Variants in SIPA1L1 observed in about 807,000 individuals in gnomAD.
The protein encoded by SIPA1L1 is signal induced proliferation associated 1 like 1.
In SIPA1L1, 26 loss-of-function variants were observed where a neutral mutation model predicts 162.7. The observed-to-expected ratio is 0.16, with a 90% confidence interval of 0.12 to 0.22. The LOEUF (loss-of-function observed/expected upper bound fraction) is 0.22. SIPA1L1 is among the 10% of genes least tolerant of loss of function. The pLI is 1.00. For missense variants in SIPA1L1, 1,874 were observed against 2,241.0 expected (o/e 0.84, Z 3.31); for synonymous variants, 829 against 837.4 (o/e 0.99, Z 0.17).
chr14:71,475,418 C>T (rs898157692), intron 2 of SIPA1L1, among the ~76,000 whole-genome samples: 3 of 152,032 alleles, frequency 2.0e-5, no homozygotes, highest in African/African-American at 4.8e-5. Flanking sequence ...GTGTATCTTT[C>T]CCCCTCCTCC....
intron 2 of SIPA1L1, among the ~76,000 whole-genome samples, chr14:71,440,057 G>A (rs1259129178): frequency 6.6e-6 from 1 of 152,140 alleles, no homozygotes; most frequent in Admixed American, 6.5e-5. Context: ...TTGAGACAGA[G>A]TCTTACTGTG....
intron 2 of SIPA1L1, among the ~76,000 whole-genome samples, chr14:71,491,629 G>T (rs978933443): frequency 1.3e-5 from 2 of 151,790 alleles, no homozygotes; most frequent in African/African-American, 2.4e-5. Context: ...CGACCTCCCC[G>T]GCTCAAGCAA....
intron 17 of SIPA1L1, among the ~76,000 whole-genome samples, chr14:71,722,491 G>A (rs957052175): frequency 1.3e-5 from 2 of 152,204 alleles, no homozygotes; most frequent in African/African-American, 4.8e-5. Flanking sequence ...GTCTGTTGTA[G>A]CAAGAGTCAG....
At chr14:71,376,210 T>TA (rs900357411) in intron 2 of SIPA1L1, among the ~76,000 whole-genome samples, 2 of 152,150 alleles carry the variant, frequency 1.3e-5, no homozygotes, top group African/African-American at 4.8e-5. Flanking sequence ...TTGATGTCTT[T>TA]AAAAAATATA....
At chr14:71,478,084 C>T (rs1311997910) in intron 2 of SIPA1L1, among the ~76,000 whole-genome samples, 3 of 152,182 alleles carry the variant, frequency 2.0e-5, no homozygotes, top group African/African-American at 4.8e-5. Context: ...AGTGGTGTCT[C>T]ATTATGGTGT....
rs572583335 is a variant in SIPA1L1 at position 71,440,218 on chromosome 14, G to C, written c.-464-72525G>C. ...TTTTTTTCTATTTTAGTAGAGATGG[G>C]GTTTCACCATGTTGCCCAGGCTGGT... is the stretch of plus-strand genomic sequence containing the variant. On this transcript the variant is annotated intron_variant, in intron 2 of 23. Transcript: ENST00000381232. Among the ~76,000 whole-genome samples the C allele has an allele frequency of 1.8e-4, 27 of 152,040 alleles. No individual in the cohort carries two copies. In the East Asian group the frequency reaches 5.0e-3, roughly 28 times the overall value.
intron 5 of SIPA1L1, among the ~76,000 whole-genome samples, chr14:71,616,401 A>G (rs1306320383): frequency 6.6e-6 from 1 of 152,172 alleles, no homozygotes. Context: ...GAAGTTTCCA[A>G]TGGAAGAAAG....
At chr14:71,541,868 G>C (rs1316537638) in intron 4 of SIPA1L1, among the ~76,000 whole-genome samples, 3 of 152,128 alleles carry the variant, frequency 2.0e-5, no homozygotes, top group East Asian at 1.9e-4. Flanking sequence ...ATTATTTTTA[G>C]ATAAGTATTG....
chr14:71,348,101 T>TA (rs2036342725), intron 2 of SIPA1L1, among the ~76,000 whole-genome samples: 1 of 152,196 alleles, frequency 6.6e-6, no homozygotes. Flanking sequence ...CACAGTGATT[T>TA]AAAAAAATTT....
intron 4 of SIPA1L1, among the ~76,000 whole-genome samples, chr14:71,554,654 A>G (rs1312136852): frequency 2.6e-5 from 4 of 152,170 alleles, no homozygotes; most frequent in African/African-American, 9.7e-5. Flanking sequence ...ACATCCTGTG[A>G]TTTGATTCTT....
chr14:71,641,709 C>T (rs758279863), intron 7 of SIPA1L1, among the ~76,000 whole-genome samples: 6 of 152,052 alleles, frequency 3.9e-5, no homozygotes, highest in South Asian at 2.1e-4. Flanking sequence ...GGTGATAGAG[C>T]GAGACTCCGT....
At chr14:71,407,542 T>A (rs554833421) in intron 2 of SIPA1L1, among the ~76,000 whole-genome samples, 1 of 139,566 alleles carries the variant, frequency 7.2e-6, no homozygotes, top group Admixed American at 7.7e-5. Context: ...GGTCTCACTT[T>A]GTTGCCCAGT....
intron 12 of SIPA1L1, among the ~76,000 whole-genome samples, chr14:71,675,799 A>G (rs2045101971): frequency 6.6e-6 from 1 of 152,176 alleles, no homozygotes; most frequent in African/African-American, 2.4e-5. Context: ...TAGGGTCGCC[A>G]GGACCCAGAG....
chr14:71,613,214 TA>T (rs1179381275), intron 5 of SIPA1L1, among the ~76,000 whole-genome samples: 1 of 152,172 alleles, frequency 6.6e-6, no homozygotes, highest in Non-Finnish European at 1.5e-5. Flanking sequence ...GGGAACATAA[TA>T]TTGTGTGTAA....
chr14:71,671,901 C>CTGTGTGTG (rs34919280), intron 11 of SIPA1L1, among the ~76,000 whole-genome samples: 64 of 142,694 alleles, frequency 4.5e-4, no homozygotes, highest in Middle Eastern at 3.4e-3. Context: ...CACATTTACT[C>CTGTGTGTG]TGTGTGTGTG....
At position 71,588,079 on chromosome 14, in the gene SIPA1L1, C is replaced by G. The variant is rs376337433; in HGVS notation, c.207C>G (p.Pro69=). The G allele has an allele frequency of 6.2e-7, 1 of 1,614,108 alleles. No individual in the cohort carries two copies. The highest frequency in any genetic ancestry group is 8.5e-7 in the Non-Finnish European group (1 of 1,179,984). The change falls in exon 5 of 24, where the codon CCC becomes CCG. Residue 69 remains proline, a synonymous_variant. Coordinates refer to ENST00000381232, the MANE Select transcript of SIPA1L1 (RefSeq NM_001386936.1). The surrounding 1 kb of genome is among the most constrained non-coding windows in gnomAD (Gnocchi z 4.3). The part of the protein sequence containing the change: ...SEGSHHITST[P]GVPKMGVRAR... The stretch of plus-strand genomic sequence containing the variant: ...GTTCTCACCATATAACCTCAACCCC[C>G]GGAGTCCCAAAAATGGGGGTAAGGG...
intron 2 of SIPA1L1, among the ~76,000 whole-genome samples, chr14:71,438,720 A>AC (rs2044605567): frequency 1.9e-3 from 1 of 538 alleles, no homozygotes; most frequent in Non-Finnish European, 2.3e-3. Context: ...GGAAGAGGAG[A>AC]GGGCCATCGG....
chr14:71,440,886 G>T (rs769257757), intron 2 of SIPA1L1, among the ~76,000 whole-genome samples: 1 of 152,004 alleles, frequency 6.6e-6, no homozygotes, highest in Non-Finnish European at 1.5e-5. Context: ...TGATGGTTTT[G>T]GGGTAGGTGA....
At chr14:71,518,882 C>T (rs187468354) in intron 3 of SIPA1L1, among the ~76,000 whole-genome samples, 179 of 152,112 alleles carry the variant, frequency 1.2e-3, no homozygotes, top group Admixed American at 3.9e-3. Context: ...AGAATCATGA[C>T]GGGAGGCAAA....
Sources: gnomAD v4.1 joint callset for allele counts (sites outside exome capture counted in the v4.1 genomes callset) on GRCh38, gnomAD v4.1.1 for gene constraint, Gnocchi (gnomAD v3.1) non-coding constraint, MANE v1.5 for transcripts, NCBI Gene and HGNC (gene_info 2026-07-23, HGNC 2026-07-21) for gene names.